Variants in RGS7 observed in about 807,000 individuals in gnomAD.
The protein encoded by RGS7 is regulator of G protein signaling 7, also known as regulator of G-protein signaling 7.
RGS7 carries 27 observed loss-of-function variants against 81.1 expected under a neutral mutation model. The observed-to-expected ratio is 0.33, with a 90% CI of 0.25 to 0.46. The LOEUF (loss-of-function observed/expected upper bound fraction) is 0.46, where lower values mean the gene tolerates loss of function less well. Ranked by LOEUF, RGS7 falls within the 20% of genes least tolerant of loss-of-function variation. RGS7 has a pLI of 1.00. For synonymous variants in RGS7, 208 were observed against 207.7 expected (o/e 1.00, Z -0.01); for missense variants, 396 against 607.4 (o/e 0.65, Z 3.66).
At chr1:240,849,507 T>G (rs1421320814) in intron 9 of RGS7, among the ~76,000 whole-genome samples, 1 of 152,204 alleles carries the variant, frequency 6.6e-6, no homozygotes, top group Non-Finnish European at 1.5e-5. Flanking sequence ...GTTTAGATAT[T>G]TGTCTCCTCC....
At chr1:240,779,097 CTTTGTGTGTGTGTG>C (rs1187374383) in intron 18 of RGS7, among the ~76,000 whole-genome samples, 4 of 100,628 alleles carry the variant, frequency 4.0e-5, no homozygotes, top group East Asian at 5.4e-4. Context: ...GATTAGTGTT[CTTTGTGTGTGTGTG>C]TGTGTGTGTG....
intron 2 of RGS7, among the ~76,000 whole-genome samples, chr1:241,180,574 C>T (rs755123197): frequency 6.6e-6 from 1 of 152,202 alleles, no homozygotes; most frequent in African/African-American, 2.4e-5. Flanking sequence ...TAATGCTGAA[C>T]AGTGCATCTC....
intron 3 of RGS7, among the ~76,000 whole-genome samples, chr1:241,040,237 G>A (rs1219270758): frequency 1.3e-5 from 2 of 152,162 alleles, no homozygotes; most frequent in Non-Finnish European, 2.9e-5. Context: ...AAACTTTGAT[G>A]AGATAGAGCC....
chr1:240,853,471 G>C (rs754137528), intron 9 of RGS7, among the ~76,000 whole-genome samples: 5 of 152,174 alleles, frequency 3.3e-5, no homozygotes, highest in Non-Finnish European at 7.4e-5. Flanking sequence ...TGAAGCCAAT[G>C]ATGGGAATCA....
At chr1:241,068,238 G>GTGTGTATATATATATATA in intron 3 of RGS7, among the ~76,000 whole-genome samples, 6 of 35,660 alleles carry the variant, frequency 1.7e-4, no homozygotes, top group African/African-American at 5.7e-4. Flanking sequence ...GTGTGTGTGT[G>GTGTGTATATATATATATA]TATATATATA....
chr1:240,924,085 A>G (rs1021311406), intron 6 of RGS7, among the ~76,000 whole-genome samples: 10 of 152,312 alleles, frequency 6.6e-5, no homozygotes, highest in Non-Finnish European at 1.2e-4. Context: ...AACTTTGGAT[A>G]TGGCAAGCTT....
At chr1:241,109,791 C>G (rs1207644568) in intron 2 of RGS7, among the ~76,000 whole-genome samples, 1 of 151,880 alleles carries the variant, frequency 6.6e-6, no homozygotes, top group African/African-American at 2.4e-5. Context: ...AACCGTCTCT[C>G]TACTAAAAAT....
intron 2 of RGS7, among the ~76,000 whole-genome samples, chr1:241,310,269 C>A (rs1047989253): frequency 6.6e-6 from 1 of 152,170 alleles, no homozygotes; most frequent in East Asian, 1.9e-4. Context: ...TGAAGTAGCA[C>A]CCTGTCTTCT....
At chr1:241,193,469 C>G (rs1366929932) in intron 2 of RGS7, among the ~76,000 whole-genome samples, 1 of 152,216 alleles carries the variant, frequency 6.6e-6, no homozygotes, top group Non-Finnish European at 1.5e-5. Flanking sequence ...TGATTTCCAA[C>G]TACTGTGTCT....
intron 6 of RGS7, among the ~76,000 whole-genome samples, chr1:240,914,471 G>A (rs1157510075): frequency 6.6e-6 from 1 of 152,090 alleles, no homozygotes; most frequent in African/African-American, 2.4e-5. Flanking sequence ...CTAATGGCTG[G>A]ATTTCAGATA....
At chr1:241,147,425 G>A (rs1202952299) in intron 2 of RGS7, among the ~76,000 whole-genome samples, 1 of 152,126 alleles carries the variant, frequency 6.6e-6, no homozygotes, top group Non-Finnish European at 1.5e-5. Context: ...GTGCCTTCAT[G>A]TAGAAGTATG....
intron 6 of RGS7, among the ~76,000 whole-genome samples, chr1:240,880,639 G>C (rs1339411534): frequency 6.6e-6 from 1 of 152,078 alleles, no homozygotes; most frequent in Non-Finnish European, 1.5e-5. Context: ...AAGAAACCTT[G>C]CTCCAAGATG....
At chr1:240,903,860 A>G (rs986770978) in intron 6 of RGS7, among the ~76,000 whole-genome samples, 5 of 152,118 alleles carry the variant, frequency 3.3e-5, no homozygotes, top group Non-Finnish European at 5.9e-5. Flanking sequence ...TTGCAATGTG[A>G]TCTCTGCACG....
chr1:240,794,933 A>C (rs1331455021), intron 18 of RGS7, among the ~76,000 whole-genome samples: 1 of 151,958 alleles, frequency 6.6e-6, no homozygotes, highest in Non-Finnish European at 1.5e-5. Context: ...TTGTAATCCC[A>C]GCACTTTGGG....
chr1:241,256,391 C>T (rs2077052831), intron 2 of RGS7, among the ~76,000 whole-genome samples: 1 of 152,124 alleles, frequency 6.6e-6, no homozygotes, highest in Admixed American at 6.5e-5. Context: ...CAGAAAAGTA[C>T]CAACCAGCTG....
In RGS7 at chr1:241,031,604, C is replaced by T. The variant is rs150292201; in HGVS notation, c.176-48475G>A. On this transcript the variant is annotated intron_variant, in intron 3 of 18. Transcript: ENST00000440928. ...TGCATTTCCACCCACATTGTATAAA[C>T]GTTCCTTTTTCTCCACATCCTCGCC... Among the ~76,000 whole-genome samples, 53 of 152,226 alleles carry T rather than the reference C, an allele frequency of 3.5e-4. No individual in the cohort carries two copies. In the East Asian group the frequency reaches 9.1e-3, roughly 26 times the overall value.
chr1:241,306,626 CCA>C (rs997284738), intron 2 of RGS7, among the ~76,000 whole-genome samples: 18 of 151,046 alleles, frequency 1.2e-4, no homozygotes, highest in Admixed American at 2.0e-4. Flanking sequence ...ACGCACATGT[CCA>C]CACACATGCA....
intron 2 of RGS7, among the ~76,000 whole-genome samples, chr1:241,257,076 T>C (rs192843987): frequency 6.6e-6 from 1 of 152,240 alleles, no homozygotes; most frequent in Non-Finnish European, 1.5e-5. Context: ...CACACATTGC[T>C]TTTCTAAGAC....
At chr1:240,800,794 C>A in intron 17 of RGS7, 73 bp from the exon 18 acceptor site, 8 of 784,660 alleles carry the variant, frequency 1.0e-5, no homozygotes, top group Admixed American at 8.6e-5. Flanking sequence ...GGCACTGGCA[C>A]AATACAAAAA....
Sources: gnomAD v4.1 joint callset for allele counts (sites outside exome capture counted in the v4.1 genomes callset) on GRCh38, gnomAD v4.1.1 for gene constraint, MANE v1.5 for transcripts, NCBI Gene and HGNC (gene_info 2026-07-23, HGNC 2026-07-21) for gene names.